The following ARID2 variants were observed in gnomAD, a reference collection of about 807,000 sequenced individuals.
ARID2 encodes AT-rich interaction domain 2.
A neutral mutation model predicts 184.6 loss-of-function variants in ARID2; 32 were observed. The observed-to-expected ratio is 0.17, with a 90% CI of 0.13 to 0.23. ARID2 has a LOEUF of 0.23. Among genes scored for constraint, ARID2 ranks in the 10% least tolerant of loss-of-function variants. The pLI is 1.00. For synonymous variants in ARID2, 836 were observed against 772.6 expected (o/e 1.08, Z -1.36); for missense variants, 1,696 against 2,197.6 (o/e 0.77, Z 4.56).
In ARID2 at chr12:45,837,668, G is replaced by A. The variant is rs1333809206; in HGVS notation, c.1291G>A (p.Val431Ile). 4 of 1,613,726 alleles carry A rather than the reference G, an allele frequency of 2.5e-6. No homozygotes were observed. Among genetic ancestry groups the A allele is most frequent in the Non-Finnish European group, 3.4e-6 (4 of 1,179,772 alleles). The change falls in exon 10 of 21, where the codon GTT (valine) becomes ATT (isoleucine). Residue 431 changes from valine to isoleucine, a missense_variant. Coordinates refer to ENST00000334344, the MANE Select transcript of ARID2 (RefSeq NM_152641.4). ...ATACATGCTCACGGAAATGGGAGAT[G>A]TTGCTTGCACAAAAATTGCAAAAGT... The part of the protein sequence containing the change: ...VLYMLTEMGD[V>I]ACTKIAKVEK...
intron 5 of ARID2, among the ~76,000 whole-genome samples, chr12:45,821,181 T>C (rs1174768314): frequency 2.0e-5 from 3 of 152,142 alleles, no homozygotes; most frequent in South Asian, 4.1e-4. Context: ...ATTATCTGTA[T>C]AATTATTATG....
At position 45,907,788 on chromosome 12, in the gene ARID2, T is replaced by G. The variant is rs1305255949; in HGVS notation, c.*2710T>G. The G allele has an allele frequency of 8.6e-6, 2 of 232,542 alleles. No homozygotes were observed. Among genetic ancestry groups the G allele is most frequent in the African/African-American group, 2.2e-5 (1 of 45,302 alleles). 14.4% of individuals were successfully genotyped at this position (232,542 alleles called of 1,614,324 possible). ...TATGTAAATAATATAGTCTACAACA[T>G]AGAGACTGTATAATTCTGTGTTATA... On this transcript the variant is annotated 3_prime_UTR_variant, in exon 21 of 21. Transcript: ENST00000334344.
intron 2 of ARID2, 47 bp downstream of exon 2, chr12:45,730,184 A>G (rs1346179262): frequency 6.3e-7 from 1 of 1,596,488 alleles, no homozygotes; most frequent in Admixed American, 1.7e-5. Context: ...GGCCTCCTCC[A>G]AAAAGTCTCC....
At position 45,852,832 on chromosome 12, in the gene ARID2, TAGA is replaced by T. The variant is rs1249866206; in HGVS notation, c.4711_4713del (p.Glu1571del). On this transcript the variant is annotated inframe_deletion, in exon 15 of 21. Coordinates refer to ENST00000334344, the MANE Select transcript of ARID2 (RefSeq NM_152641.4). ...CCAAGCACTGTAGCTAAAGTAGCAA[TAGA>T]AAGTGCTGTTCAGCAAAAGCAACAG... 1 of 1,613,444 alleles carries T rather than the reference TAGA, an allele frequency of 6.2e-7. No individual in the cohort carries two copies. The highest frequency in any genetic ancestry group is 1.1e-5 in the South Asian group (1 of 91,012).
chr12:45,899,332 T>A (rs374141743), intron 20 of ARID2, among the ~76,000 whole-genome samples: 1 of 137,216 alleles, frequency 7.3e-6, no homozygotes, highest in Non-Finnish European at 1.5e-5. Flanking sequence ...AGGCTGGGCG[T>A]GGTGGCTCAC....
rs938510522 is a variant in ARID2, at chr12:45,849,666, G to A, written c.1802G>A (p.Arg601Gln). 40 of 1,613,664 alleles carry A rather than the reference G, an allele frequency of 2.5e-5. No individual in the cohort carries two copies. Among genetic ancestry groups the A allele is most frequent in the Middle Eastern group, 1.6e-4 (1 of 6,082 alleles). ...QAHIHVVGVK[R>Q]RAIPLPIQMY... ...CATATTCATGTGGTAGGAGTAAAAC[G>A]GAGGGCTATACCACTTCCCATTCAG... Residue 601 changes from arginine to glutamine, a missense_variant, in exon 14 of 21, where the codon CGG becomes CAG. Transcript: ENST00000334344.
chr12:45,797,676 T>C (rs983776542), intron 3 of ARID2, among the ~76,000 whole-genome samples: 3 of 152,102 alleles, frequency 2.0e-5, no homozygotes, highest in Non-Finnish European at 2.9e-5. Flanking sequence ...CATTTAAATT[T>C]CTTACTCACC....
chr12:45,869,347 T>C (rs947579968), intron 16 of ARID2, among the ~76,000 whole-genome samples: 2 of 152,142 alleles, frequency 1.3e-5, no homozygotes, highest in Non-Finnish European at 2.9e-5. Context: ...TTTTTGTTTA[T>C]TTTTTGATAG....
At chr12:45,871,038 T>A (rs1245915523) in intron 16 of ARID2, among the ~76,000 whole-genome samples, 1 of 152,224 alleles carries the variant, frequency 6.6e-6, no homozygotes, top group Non-Finnish European at 1.5e-5. Context: ...ACACTGTGAA[T>A]CTGTCTTCCA....
chr12:45,854,171 A>G (rs2138184279), intron 15 of ARID2, among the ~76,000 whole-genome samples: 1 of 152,284 alleles, frequency 6.6e-6, no homozygotes, highest in East Asian at 1.9e-4. Flanking sequence ...ACTGTCTCCC[A>G]TTCCCCAGAT....
chr12:45,737,218 G>A (rs1162848784), intron 3 of ARID2, among the ~76,000 whole-genome samples: 2 of 152,116 alleles, frequency 1.3e-5, no homozygotes, highest in African/African-American at 4.8e-5. Context: ...GACCAAAAAT[G>A]ATAGACCCAT....
rs1461047130 is a variant in ARID2, at chr12:45,899,659, ATATATATATGGT to A, written c.5364-5267_5364-5256del. Among the ~76,000 whole-genome samples the A allele has an allele frequency of 7.0e-4, 30 of 42,998 alleles. 1 individual carries two copies. The highest frequency in any genetic ancestry group is 1.3e-3 in the African/African-American group (16 of 12,060). The allele number at this position is 42,998 out of a possible 152,430, so 28.2% of individuals were successfully genotyped here. A position where few individuals can be genotyped will look rare whatever the true frequency, so the allele number is the denominator to read the frequency against. Reference sequence around the variant, plus strand: ...TATATATATATATATTTGGTTATATATATATATATGGTTATATATGGTTATATATATATGGTT... The same window carrying A: ...TATATATATATATATTTGGTTATATATATATATGGTTATATATATATGGTT... On this transcript the variant is annotated intron_variant, in intron 20 of 20. Transcript: ENST00000334344.
chr12:45,820,532 TA>T (rs1414406363), intron 5 of ARID2, among the ~76,000 whole-genome samples: 1 of 152,216 alleles, frequency 6.6e-6, no homozygotes, highest in Non-Finnish European at 1.5e-5. Context: ...TTAACGTTCA[TA>T]ACAGCTAGTT....
At chr12:45,896,422 G>T (rs996991839) in intron 20 of ARID2, among the ~76,000 whole-genome samples, 6 of 152,118 alleles carry the variant, frequency 3.9e-5, no homozygotes, top group African/African-American at 1.2e-4. Context: ...GAGGGACCCG[G>T]CAGGAAGTAA....
At chr12:45,798,480 T>G (rs527404530) in intron 3 of ARID2, among the ~76,000 whole-genome samples, 1 of 152,324 alleles carries the variant, frequency 6.6e-6, no homozygotes, top group South Asian at 2.1e-4. Flanking sequence ...ATTCAAAATT[T>G]CAGGCAGGAG....
At chr12:45,825,082 G>A (rs755070819) in intron 6 of ARID2, among the ~76,000 whole-genome samples, 2 of 151,832 alleles carry the variant, frequency 1.3e-5, no homozygotes, top group Admixed American at 6.6e-5. Flanking sequence ...GTTACCAGAG[G>A]CTAGGAAGGG....
At position 45,796,217 on chromosome 12, in the gene ARID2, C is replaced by A. The variant is rs7962162; in HGVS notation, c.285-15201C>A. On this transcript the variant is annotated intron_variant, in intron 3 of 20. Coordinates refer to ENST00000334344, the MANE Select transcript of ARID2 (RefSeq NM_152641.4). ...TATATATTTTACATATATTCACTTA[C>A]AAATATTTAAATAGAATCATACTGT... Among the ~76,000 whole-genome samples the A allele has an allele frequency of 6.1e-3, 923 of 151,948 alleles. 15 individuals carry two copies. Among genetic ancestry groups the A allele is most frequent in the African/African-American group, 0.021 (860 of 41,498 alleles).
chr12:45,795,462 C>T (rs999929513), intron 3 of ARID2, among the ~76,000 whole-genome samples: 2 of 151,902 alleles, frequency 1.3e-5, no homozygotes, highest in African/African-American at 2.4e-5. Context: ...GACGGAGTCT[C>T]GCTCTGTCGC....
intron 5 of ARID2, among the ~76,000 whole-genome samples, chr12:45,820,659 A>C (rs1247169084): frequency 6.6e-6 from 1 of 152,200 alleles, no homozygotes; most frequent in Admixed American, 6.5e-5. Flanking sequence ...AAGGGGAAAA[A>C]TACATTGTAT....
Sources: allele counts gnomAD v4.1 joint callset (sites outside exome capture counted in the v4.1 genomes callset), GRCh38; gene constraint gnomAD v4.1.1; transcripts MANE v1.5; gene names NCBI Gene and HGNC (gene_info 2026-07-23, HGNC 2026-07-21).